The following NSUN6 variants were observed in gnomAD, a reference collection of about 807,000 sequenced individuals.
NSUN6 encodes the protein NOP2/Sun RNA methyltransferase 6, also known as tRNA (cytosine(72)-C(5))-methyltransferase NSUN6.
Under a neutral mutation model 58.0 loss-of-function variants are expected in NSUN6, and 64 were observed. That is an observed-to-expected ratio of 1.10 (90% confidence interval 0.90 to 1.36). The LOEUF is 1.36. Among genes scored for constraint, NSUN6 ranks in the 40% most tolerant of loss-of-function variants. NSUN6 has a pLI of 0.00. For synonymous variants in NSUN6, 231 were observed against 193.9 expected, an observed-to-expected ratio of 1.19 and a Z score of -1.59; for missense variants, 701 against 550.1, an observed-to-expected ratio of 1.27 and a Z score of -2.74.
chr10:18,567,882 C>T (rs1412714679), intron 8 of NSUN6, among the ~76,000 whole-genome samples: 1 of 150,120 alleles, frequency 6.7e-6, no homozygotes, highest in African/African-American at 2.4e-5. Context: ...CCATACCATC[C>T]TCCATTCCAT....
At chr10:18,569,671 A>G (rs966786554) in intron 8 of NSUN6, among the ~76,000 whole-genome samples, 1 of 149,296 alleles carries the variant, frequency 6.7e-6, no homozygotes, top group African/African-American at 2.5e-5. Flanking sequence ...ACTGCATTCA[A>G]TTCCATATTC....
chr10:18,545,678 T>C lies in NSUN6; in HGVS notation c.*255A>G, dbSNP rs1564690720. 3.0e-6 allele frequency: 1 copy of C among 338,198 alleles called. No homozygotes were observed. The allele number at this position is 338,198 out of a possible 1,614,324, so 20.9% of individuals were successfully genotyped here. On this transcript the variant is annotated 3_prime_UTR_variant, in exon 11 of 11. Coordinates refer to ENST00000377304, the MANE Select transcript of NSUN6 (RefSeq NM_182543.5). ...CAAATGAAAATATGCTCCAGACATC[T>C]ATAGGCATCTGCTTTTCTTTATACT...
chr10:18,556,041 G>T (rs1040702776), intron 8 of NSUN6, among the ~76,000 whole-genome samples: 3 of 151,378 alleles, frequency 2.0e-5, no homozygotes, highest in African/African-American at 7.3e-5. Flanking sequence ...ATGGAGAATG[G>T]TGTGGAATGG....
At chr10:18,636,945 A>AC (rs1351270009) in intron 3 of NSUN6, among the ~76,000 whole-genome samples, 1 of 139,250 alleles carries the variant, frequency 7.2e-6, no homozygotes, top group Non-Finnish European at 1.5e-5. Context: ...GAGTTAAAAA[A>AC]AAAAAAAAAG....
At chr10:18,622,154 G>C (rs1402286228) in intron 3 of NSUN6, among the ~76,000 whole-genome samples, 2 of 152,132 alleles carry the variant, frequency 1.3e-5, no homozygotes, top group Admixed American at 6.5e-5. Flanking sequence ...CGAACTCAAT[G>C]TGATGGTATT....
At chr10:18,622,125 A>G (rs1189506477) in intron 3 of NSUN6, among the ~76,000 whole-genome samples, 2 of 152,142 alleles carry the variant, frequency 1.3e-5, no homozygotes, top group African/African-American at 2.4e-5. Context: ...TGTGTCCCCA[A>G]AATTCACATG....
At chr10:18,593,478 C>G (rs1438401703) in intron 7 of NSUN6, among the ~76,000 whole-genome samples, 1 of 152,104 alleles carries the variant, frequency 6.6e-6, no homozygotes, top group Non-Finnish European at 1.5e-5. Flanking sequence ...CAATGACAGA[C>G]TGGATAAAGA....
intron 2 of NSUN6, among the ~76,000 whole-genome samples, chr10:18,644,407 T>G (rs2059478143): frequency 6.6e-6 from 1 of 152,172 alleles, no homozygotes. Context: ...GTGTTTTTGT[T>G]GTTGTTGAAC....
chr10:18,593,648 G>T (rs2057462970), intron 7 of NSUN6, among the ~76,000 whole-genome samples: 1 of 152,060 alleles, frequency 6.6e-6, no homozygotes, highest in African/African-American at 2.4e-5. Flanking sequence ...ATAAGTGGGA[G>T]TTGAACAATG....
chr10:18,552,199 T>C (rs1177921144), intron 8 of NSUN6, among the ~76,000 whole-genome samples: 4 of 152,116 alleles, frequency 2.6e-5, no homozygotes, highest in African/African-American at 9.7e-5. Flanking sequence ...TCTGTTGATA[T>C]AGTACAAACC....
At chr10:18,586,532 TG>T (rs978504036) in intron 7 of NSUN6, among the ~76,000 whole-genome samples, 4 of 151,892 alleles carry the variant, frequency 2.6e-5, no homozygotes, top group Non-Finnish European at 5.9e-5. Context: ...CTTGCTGACT[TG>T]GGGAGTGAAG....
At chr10:18,576,985 C>A (rs1318507173) in intron 8 of NSUN6, among the ~76,000 whole-genome samples, 5 of 152,136 alleles carry the variant, frequency 3.3e-5, no homozygotes, top group Admixed American at 3.3e-4. Flanking sequence ...ATGGGGAATA[C>A]CAGATCAATT....
chr10:18,558,693 T>G (rs1359066154), intron 8 of NSUN6, among the ~76,000 whole-genome samples: 1 of 134,952 alleles, frequency 7.4e-6, no homozygotes, highest in Non-Finnish European at 1.6e-5. Flanking sequence ...TGGAATGGAA[T>G]GGCGGAAGGA....
At chr10:18,628,303 G>A (rs2058898733) in intron 3 of NSUN6, among the ~76,000 whole-genome samples, 3 of 152,174 alleles carry the variant, frequency 2.0e-5, no homozygotes, top group Middle Eastern at 6.8e-3. Context: ...CAAAGATGGG[G>A]AAAAAACAGA....
At chr10:18,615,519 A>G (rs993085917) in intron 4 of NSUN6, among the ~76,000 whole-genome samples, 4 of 152,204 alleles carry the variant, frequency 2.6e-5, no homozygotes, top group Non-Finnish European at 5.9e-5. Flanking sequence ...TCTTTTCACA[A>G]CATTTTAAAA....
chr10:18,608,784 C>T (rs866909824), intron 6 of NSUN6, among the ~76,000 whole-genome samples: 1 of 151,964 alleles, frequency 6.6e-6, no homozygotes, highest in Admixed American at 6.6e-5. Flanking sequence ...GCCAAATGAA[C>T]ACAAGTGTTT....
chr10:18,565,020 C>T (rs1162452970), intron 8 of NSUN6, among the ~76,000 whole-genome samples: 2 of 150,548 alleles, frequency 1.3e-5, no homozygotes, highest in Non-Finnish European at 3.0e-5. Context: ...CATTCCATTC[C>T]ATTCCCCACT....
At chr10:18,657,601 TTTTC>T (rs1471325001), upstream of NSUN6, among the ~76,000 whole-genome samples, 5 of 151,912 alleles carry the variant, frequency 3.3e-5, no homozygotes, top group Admixed American at 6.6e-5. Flanking sequence ...AATCTCTGCA[TTTTC>T]TTTATTTTAT....
At chr10:18,638,361 G>C (rs1254839081) in intron 3 of NSUN6, among the ~76,000 whole-genome samples, 1 of 152,148 alleles carries the variant, frequency 6.6e-6, no homozygotes, top group Non-Finnish European at 1.5e-5. Flanking sequence ...AGAATCACTT[G>C]AACCCAGGAG....
Sources: gnomAD v4.1 joint callset for allele counts (sites outside exome capture counted in the v4.1 genomes callset) on GRCh38, gnomAD v4.1.1 for gene constraint, MANE v1.5 for transcripts, NCBI Gene and HGNC (gene_info 2026-07-23, HGNC 2026-07-21) for gene names.